Variants in FANCC observed in about 807,000 individuals in gnomAD.
FANCC encodes the protein FA complementation group C.
In FANCC, 55 loss-of-function variants were observed where a neutral mutation model predicts 71.3. The observed-to-expected ratio is 0.77, with a 90% CI of 0.62 to 0.97. The LOEUF is 0.97. Ranked by LOEUF, FANCC falls within the 50% of genes least tolerant of loss-of-function variation. The pLI is 0.00. For synonymous variants in FANCC, 275 were observed against 244.9 expected (o/e 1.12, Z -1.15); for missense variants, 678 against 670.9 (o/e 1.01, Z -0.12).
intron 14 of FANCC, among the ~76,000 whole-genome samples, chr9:95,105,631 A>G (rs920151741): frequency 1.3e-5 from 2 of 151,982 alleles, no homozygotes; most frequent in Admixed American, 1.3e-4. Flanking sequence ...GCCCCTTTCC[A>G]TGATCCCCAC....
chr9:95,171,409 C>A (rs1014168371), intron 5 of FANCC, among the ~76,000 whole-genome samples: 6 of 151,294 alleles, frequency 4.0e-5, no homozygotes, highest in African/African-American at 1.5e-4. Flanking sequence ...AAAACCAAAT[C>A]CATTTAAAGA....
intron 1 of FANCC, among the ~76,000 whole-genome samples, chr9:95,297,535 CTT>C (rs1834457784): frequency 6.6e-6 from 1 of 152,156 alleles, no homozygotes; most frequent in East Asian, 1.9e-4. Flanking sequence ...AATGCTGACT[CTT>C]GTTACCTCTT....
chr9:95,124,835 A>T (rs4647517), intron 10 of FANCC, among the ~76,000 whole-genome samples: 1 of 152,218 alleles, frequency 6.6e-6, no homozygotes, highest in East Asian at 1.9e-4. Context: ...AGGGCCATGC[A>T]TGCTGGCATG....
intron 4 of FANCC, among the ~76,000 whole-genome samples, chr9:95,216,438 T>C (rs1359714305): frequency 6.6e-6 from 1 of 152,056 alleles, no homozygotes; most frequent in African/African-American, 2.4e-5. Context: ...AGACAGAAAA[T>C]CAGAAGACTA....
In FANCC at chr9:95,132,428, G is replaced by A. The variant is rs182296391; in HGVS notation, c.843+2918C>T. On this transcript the variant is annotated intron_variant, in intron 8 of 14. Transcript: ENST00000289081. ...GGCTTTCACTGCTGTCGGTGACATCGGTTTTTAAGGTCAGGTCTGAAGCTA... is the reference window on the plus strand; with the variant it reads ...GGCTTTCACTGCTGTCGGTGACATCAGTTTTTAAGGTCAGGTCTGAAGCTA... 1.5e-3 allele frequency among the ~76,000 whole-genome samples: 229 copies of A among 152,316 alleles called. 2 individuals carry two copies. In the South Asian group the frequency reaches 0.025, roughly 17 times the overall value.
intron 6 of FANCC, among the ~76,000 whole-genome samples, chr9:95,162,986 C>T (rs550424707): frequency 1.3e-5 from 2 of 152,298 alleles, no homozygotes; most frequent in South Asian, 4.1e-4. Context: ...TCTATTCTTG[C>T]TTTTCTTGCC....
chr9:95,175,426 T>C (rs1233373771), intron 4 of FANCC, among the ~76,000 whole-genome samples: 1 of 152,060 alleles, frequency 6.6e-6, no homozygotes, highest in African/African-American at 2.4e-5. Flanking sequence ...TTGCTTAAGG[T>C]AGAGAGAAGG....
intron 7 of FANCC, among the ~76,000 whole-genome samples, chr9:95,139,246 TCA>T (rs967855063): frequency 3.8e-4 from 58 of 152,280 alleles, no homozygotes; most frequent in Middle Eastern, 3.4e-3. Flanking sequence ...CGACGTGGTC[TCA>T]GTTTCACCCT....
At chr9:95,133,436 A>G (rs1300352327) in intron 8 of FANCC, among the ~76,000 whole-genome samples, 3 of 152,260 alleles carry the variant, frequency 2.0e-5, no homozygotes, top group Non-Finnish European at 2.9e-5. Context: ...AGCTTTTGTA[A>G]GTCAACTGAC....
intron 4 of FANCC, among the ~76,000 whole-genome samples, chr9:95,181,049 T>C (rs932313773): frequency 4.6e-5 from 7 of 152,048 alleles, no homozygotes; most frequent in Non-Finnish European, 7.4e-5. Context: ...ATCTCACTTA[T>C]CTGCAAGGGA....
intron 4 of FANCC, among the ~76,000 whole-genome samples, chr9:95,207,734 G>A (rs915117543): frequency 2.6e-5 from 4 of 152,096 alleles, no homozygotes; most frequent in East Asian, 1.9e-4. Context: ...ATTATATACT[G>A]TACCTGTGGC....
At chr9:95,135,844 T>C (rs1042490500) in intron 7 of FANCC, among the ~76,000 whole-genome samples, 3 of 152,140 alleles carry the variant, frequency 2.0e-5, no homozygotes, top group Non-Finnish European at 1.5e-5. Context: ...ACTGAAGAAA[T>C]AGGCATGTTC....
chr9:95,303,660 T>A (rs1474918463), intron 1 of FANCC, among the ~76,000 whole-genome samples: 1 of 152,328 alleles, frequency 6.6e-6, no homozygotes. Context: ...TTTGTGCTCA[T>A]GTGGGGAGAG....
intron 7 of FANCC, among the ~76,000 whole-genome samples, chr9:95,138,281 C>T (rs1828033677): frequency 6.6e-6 from 1 of 152,212 alleles, no homozygotes; most frequent in African/African-American, 2.4e-5. Context: ...GGCCTGGGCT[C>T]AGCAGAACAG....
chr9:95,132,481 T>C (rs1827054300), intron 8 of FANCC, among the ~76,000 whole-genome samples: 1 of 152,198 alleles, frequency 6.6e-6, no homozygotes, highest in Non-Finnish European at 1.5e-5. Context: ...GTGCCCATGC[T>C]GTCAAGGAAA....
In FANCC at chr9:95,111,292, C is replaced by T. The variant is rs750083277; in HGVS notation, c.1329+171G>A. On this transcript the variant is annotated intron_variant, in intron 13 of 14. Coordinates refer to ENST00000289081, the MANE Select transcript of FANCC (RefSeq NM_000136.3). ...CCTCGGTGGGGACAGGAGAACGCCT[C>T]TGACCACAAGGCTGGAGATCACCAT... 6 of 1,576,124 alleles carry T rather than the reference C, an allele frequency of 3.8e-6. No homozygotes were observed. In the East Asian group the frequency reaches 1.4e-4, roughly 37 times the overall value.
chr9:95,187,744 C>T (rs1368350498), intron 4 of FANCC, among the ~76,000 whole-genome samples: 1 of 151,976 alleles, frequency 6.6e-6, no homozygotes, highest in Non-Finnish European at 1.5e-5. Context: ...GAGAGGACAG[C>T]ATAGGGGGAA....
rs923125244 is a variant in FANCC, at chr9:95,222,569, T to A, written c.345+18080A>T. Among the ~76,000 whole-genome samples, 22 of 152,202 alleles carry A rather than the reference T, an allele frequency of 1.4e-4. 1 individual carries two copies. The highest frequency in any genetic ancestry group is 2.1e-4 in the South Asian group (1 of 4,832). ...TTTGTTTCTTGATTGTGGCGGTGGT[T>A]ATAAAGAGGTATACATGTGTCAAAA... On this transcript the variant is annotated intron_variant, in intron 4 of 14. Transcript: ENST00000289081.
chr9:95,279,392 T>C (rs1588407861), intron 1 of FANCC, among the ~76,000 whole-genome samples: 1 of 145,668 alleles, frequency 6.9e-6, no homozygotes, highest in Non-Finnish European at 1.5e-5. Context: ...GTGGTCCCAG[T>C]TTCATGGGCA....
Sources: allele counts gnomAD v4.1 joint callset (sites outside exome capture counted in the v4.1 genomes callset), GRCh38; gene constraint gnomAD v4.1.1; transcripts MANE v1.5; gene names NCBI Gene and HGNC (gene_info 2026-07-23, HGNC 2026-07-21).